BABAM2: variants seen among roughly 807,000 people sequenced by gnomAD.
The protein encoded by BABAM2 is BRISC and BRCA1-A complex member 2.
In BABAM2, 31 loss-of-function variants were observed where a neutral mutation model predicts 54.7. The observed-to-expected ratio is 0.57, with a 90% CI of 0.43 to 0.77. BABAM2 has a LOEUF of 0.77. Ranked by LOEUF, BABAM2 falls within the 30% of genes least tolerant of loss-of-function variation. The probability of loss-of-function intolerance (pLI) is 0.00; values close to 1 mark genes in which losing one functional copy is unlikely to be tolerated. For missense variants in BABAM2, 364 were observed against 455.8 expected (o/e 0.80, Z 1.83); for synonymous variants, 167 against 162.9 (o/e 1.03, Z -0.19).
At chr2:28,120,198 A>G (rs1668951594) in intron 6 of BABAM2, among the ~76,000 whole-genome samples, 1 of 152,300 alleles carries the variant, frequency 6.6e-6, no homozygotes, top group South Asian at 2.1e-4. Flanking sequence ...TATACTTTTA[A>G]CCTATTTTGA....
At chr2:28,030,755 T>C (rs1003057304) in intron 5 of BABAM2, among the ~76,000 whole-genome samples, 1 of 152,098 alleles carries the variant, frequency 6.6e-6, no homozygotes, top group Admixed American at 6.5e-5. Context: ...ACCACAAACT[T>C]GGTGGCTTAG....
At chr2:28,120,852 G>A (rs1384907624) in intron 6 of BABAM2, among the ~76,000 whole-genome samples, 1 of 152,170 alleles carries the variant, frequency 6.6e-6, no homozygotes, top group African/African-American at 2.4e-5. Flanking sequence ...TTTACAAAAA[G>A]AGTTAAACTT....
intron 4 of BABAM2, among the ~76,000 whole-genome samples, chr2:28,006,396 T>C (rs1171283088): frequency 6.6e-6 from 1 of 152,112 alleles, no homozygotes; most frequent in Non-Finnish European, 1.5e-5. Flanking sequence ...ACACAACATA[T>C]AGAGGCATCT....
At chr2:28,256,268 A>G (rs1281966043) in intron 10 of BABAM2, among the ~76,000 whole-genome samples, 2 of 152,172 alleles carry the variant, frequency 1.3e-5, no homozygotes, top group African/African-American at 2.4e-5. Context: ...AATGTAAATA[A>G]TATTTTGAGA....
intron 7 of BABAM2, among the ~76,000 whole-genome samples, chr2:28,159,768 G>A (rs899290087): frequency 1.1e-4 from 17 of 151,862 alleles, no homozygotes; most frequent in South Asian, 4.2e-4. Context: ...TAATCCCAGC[G>A]ACTCAGGAGG....
At chr2:28,044,355 G>C (rs895570511) in intron 5 of BABAM2, among the ~76,000 whole-genome samples, 3 of 151,980 alleles carry the variant, frequency 2.0e-5, no homozygotes, top group African/African-American at 7.3e-5. Context: ...TCAGCCTCCC[G>C]AGTAGCTGGG....
intron 10 of BABAM2, among the ~76,000 whole-genome samples, chr2:28,247,054 T>C (rs1440297756): frequency 1.3e-5 from 2 of 152,220 alleles, no homozygotes; most frequent in African/African-American, 4.8e-5. Flanking sequence ...ATCTTTTCAT[T>C]TCATTTTGAA....
intron 3 of BABAM2, among the ~76,000 whole-genome samples, chr2:27,938,637 G>A (rs915303574): frequency 2.6e-5 from 4 of 151,930 alleles, no homozygotes; most frequent in Admixed American, 6.6e-5. Flanking sequence ...TGATCCGCCC[G>A]CCTCAGCCTC....
chr2:28,118,129 A>G (rs1190786440), intron 6 of BABAM2, among the ~76,000 whole-genome samples: 2 of 152,220 alleles, frequency 1.3e-5, no homozygotes, highest in African/African-American at 4.8e-5. Context: ...ATGTAGTTCA[A>G]TATGATTCGT....
At chr2:28,231,843 A>C (rs1335054070) in intron 7 of BABAM2, among the ~76,000 whole-genome samples, 9 of 118,518 alleles carry the variant, frequency 7.6e-5, no homozygotes, top group African/African-American at 2.8e-4. Context: ...AGTCCCAATC[A>C]GTCACCCAGG....
intron 3 of BABAM2, among the ~76,000 whole-genome samples, chr2:27,949,408 C>A (rs1453292831): frequency 6.6e-6 from 1 of 152,056 alleles, no homozygotes; most frequent in Non-Finnish European, 1.5e-5. Flanking sequence ...GTGATGGGTG[C>A]CTGTGATCCC....
intron 6 of BABAM2, among the ~76,000 whole-genome samples, chr2:28,071,494 C>T (rs375325562): frequency 6.6e-6 from 1 of 152,218 alleles, no homozygotes; most frequent in East Asian, 1.9e-4. Context: ...TTCTTTTATC[C>T]GAAGGCACAT....
At chr2:28,316,434 G>A (rs1356899838) in intron 11 of BABAM2, among the ~76,000 whole-genome samples, 1 of 117,936 alleles carries the variant, frequency 8.5e-6, no homozygotes, top group Non-Finnish European at 1.8e-5. Flanking sequence ...GGGTGGGGGT[G>A]GGGGTGGGAG....
At chr2:28,209,903 T>G (rs1244159811) in intron 7 of BABAM2, among the ~76,000 whole-genome samples, 1 of 152,124 alleles carries the variant, frequency 6.6e-6, no homozygotes, top group Admixed American at 6.5e-5. Flanking sequence ...ATTAATATTT[T>G]AAATAATTAA....
chr2:28,067,176 C>A (rs1226046892), intron 6 of BABAM2, among the ~76,000 whole-genome samples: 1 of 152,230 alleles, frequency 6.6e-6, no homozygotes, highest in African/African-American at 2.4e-5. Context: ...AGGTGATCTG[C>A]CTGCCTCTGC....
chr2:28,040,291 A>ATTATTTT (rs1204898070), intron 5 of BABAM2, among the ~76,000 whole-genome samples: 2 of 97,282 alleles, frequency 2.1e-5, no homozygotes, highest in African/African-American at 7.4e-5. Context: ...GAAAAACTGA[A>ATTATTTT]TTCTTTTTTT....
At chr2:27,926,109 G>C (rs189446704) in intron 2 of BABAM2, among the ~76,000 whole-genome samples, 2 of 140,658 alleles carry the variant, frequency 1.4e-5, no homozygotes, top group African/African-American at 5.4e-5. Context: ...TTTTTTTTCT[G>C]TACAGTAGGC....
intron 7 of BABAM2, among the ~76,000 whole-genome samples, chr2:28,219,424 C>T (rs1012283742): frequency 1.8e-4 from 28 of 152,190 alleles, no homozygotes; most frequent in African/African-American, 6.3e-4. Context: ...TTTAAGGACT[C>T]GTGTGTCTAG....
chr2:28,072,287 C>G (rs1257337427), intron 6 of BABAM2, among the ~76,000 whole-genome samples: 1 of 152,124 alleles, frequency 6.6e-6, no homozygotes, highest in Non-Finnish European at 1.5e-5. Flanking sequence ...GTTCTCCTGC[C>G]TCAGCCTCCT....
Sources: allele counts gnomAD v4.1 joint callset (sites outside exome capture counted in the v4.1 genomes callset), GRCh38; gene constraint gnomAD v4.1.1; transcripts MANE v1.5; gene names NCBI Gene and HGNC (gene_info 2026-07-23, HGNC 2026-07-21).